The following LAMA3 variants were observed in gnomAD, a reference collection of about 807,000 sequenced individuals.
LAMA3 encodes the protein laminin subunit alpha-3.
Under a neutral mutation model 402.0 loss-of-function variants are expected in LAMA3, and 281 were observed. The observed-to-expected ratio is 0.70, with a 90% confidence interval of 0.63 to 0.77. The LOEUF (loss-of-function observed/expected upper bound fraction) is 0.77, where lower values mean the gene tolerates loss of function less well. Ranked by LOEUF, LAMA3 falls within the 30% of genes least tolerant of loss-of-function variation. The pLI, the probability that LAMA3 is intolerant of heterozygous loss-of-function variation, is 0.00. For missense variants in LAMA3, 3,840 were observed against 4,215.5 expected, an observed-to-expected ratio of 0.91 and a Z score of 2.47; for synonymous variants, 1,431 against 1,558.4, an observed-to-expected ratio of 0.92 and a Z score of 1.93.
chr18:23,714,024 C>T lies in LAMA3; in HGVS notation c.399C>T (p.Ser133=), dbSNP rs2061046779. ...SERWWQSPPL[S]SGTQYNRVNL... ...GTTGGTGGCAAAGCCCTCCCCTGTC[C>T]TCAGGCACACAGTACAACAGAGTCA... Residue 133 remains serine, a synonymous_variant, in exon 2 of 75, where the codon TCC becomes TCT. Coordinates refer to ENST00000313654, the MANE Select transcript of LAMA3 (RefSeq NM_198129.4). The T allele has an allele frequency of 6.2e-7, 1 of 1,613,860 alleles. No individual in the cohort carries two copies.
At position 23,747,934 on chromosome 18, in the gene LAMA3, T is replaced by C. The variant is rs748308342; in HGVS notation, c.448-9T>C. On this transcript the variant is annotated splice_polypyrimidine_tract_variant and intron_variant, in intron 2 of 74. Coordinates refer to ENST00000313654, the MANE Select transcript of LAMA3 (RefSeq NM_198129.4). Reference sequence around the variant, plus strand: ...GACATTAATAACTGTATCTCTTTTGTTTTATCAGCTCTTCCATGTGGCCTA... The same window carrying C: ...GACATTAATAACTGTATCTCTTTTGCTTTATCAGCTCTTCCATGTGGCCTA... 2 of 1,447,828 alleles carry C rather than the reference T, an allele frequency of 1.4e-6. No individual in the cohort carries two copies. The highest frequency in any genetic ancestry group is 1.1e-5 in the South Asian group (1 of 87,680). 89.7% of individuals were successfully genotyped at this position (1,447,828 alleles called of 1,614,324 possible).
intron 4 of LAMA3, among the ~76,000 whole-genome samples, chr18:23,750,443 T>G (rs866197375): frequency 2.7e-4 from 37 of 136,870 alleles, no homozygotes; most frequent in African/African-American, 9.6e-4. Context: ...TTTTTTTTTT[T>G]TTTTTTTTTT....
At chr18:23,745,936 G>A (rs1260093050) in intron 2 of LAMA3, among the ~76,000 whole-genome samples, 1 of 152,202 alleles carries the variant, frequency 6.6e-6, no homozygotes, top group East Asian at 1.9e-4. Context: ...TGGTCTGAGA[G>A]AGATGTGCAA....
chr18:23,714,153 TAA>T (rs34200895), intron 2 of LAMA3, 81 bp downstream of exon 2: 51 of 1,181,918 alleles, frequency 4.3e-5, no homozygotes, highest in Admixed American at 6.7e-5. Context: ...ATAATTATTG[TAA>T]AAAAAAAACA....
intron 13 of LAMA3, among the ~76,000 whole-genome samples, chr18:23,811,637 G>A (rs778454753): frequency 5.9e-5 from 9 of 152,162 alleles, no homozygotes; most frequent in Non-Finnish European, 1.2e-4. Flanking sequence ...TTGTGTCCTG[G>A]AGAGGAACCC....
rs1215460817 is a variant in LAMA3, at chr18:23,822,441, C to T, written c.2428+66C>T. ...AGAAATAAATAGTGAAACACTTTCT[C>T]TGATTTTCACAAAGTTGATCACCCT... On this transcript the variant is annotated intron_variant, in intron 20 of 74. Transcript: ENST00000313654. The T allele has an allele frequency of 2.0e-6, 3 of 1,525,602 alleles. No homozygotes were observed. In the African/African-American group the frequency reaches 4.1e-5, roughly 21 times the overall value. 94.5% of individuals were successfully genotyped at this position (1,525,602 alleles called of 1,614,324 possible).
chr18:23,876,230 A>G, intron 38 of LAMA3, 64 bp from the exon 39 acceptor site: 1 of 1,068,910 alleles, frequency 9.4e-7, no homozygotes, highest in East Asian at 2.4e-5. Flanking sequence ...GAGAGGTGTC[A>G]CATGCTTTGG....
At chr18:23,927,177 T>G (rs181046202) in intron 62 of LAMA3, among the ~76,000 whole-genome samples, 23 of 152,246 alleles carry the variant, frequency 1.5e-4, no homozygotes, top group Admixed American at 7.8e-4. Flanking sequence ...TTTGGTTTTG[T>G]TTTTGTTTTT....
intron 11 of LAMA3, among the ~76,000 whole-genome samples, chr18:23,777,983 A>C (rs558829112): frequency 6.6e-6 from 1 of 152,334 alleles, no homozygotes; most frequent in South Asian, 2.1e-4. Flanking sequence ...AGGAAGGGAG[A>C]GAGTCAGGGA....
chr18:23,698,968 G>T (rs2060738624), intron 1 of LAMA3, among the ~76,000 whole-genome samples: 1 of 152,084 alleles, frequency 6.6e-6, no homozygotes, highest in Non-Finnish European at 1.5e-5. Flanking sequence ...ATGATGGCCA[G>T]GGTGCGGTGG....
chr18:23,879,362 G>A lies in LAMA3; in HGVS notation c.5113-2574G>A, dbSNP rs1406891878. ...TCTGCACGCTGTGTCCCCTGTGCCT[G>A]GAATGCCCTTCCCTCACTTCTGCGC... On this transcript the variant is annotated intron_variant, in intron 39 of 74. Transcript: ENST00000313654. The surrounding 1 kb of genome is among the most constrained non-coding windows in gnomAD (Gnocchi z 4.2). 6.6e-6 allele frequency among the ~76,000 whole-genome samples: 1 copy of A among 152,184 alleles called. No individual in the cohort carries two copies. Among genetic ancestry groups the A allele is most frequent in the African/African-American group, 2.4e-5 (1 of 41,446 alleles).
chr18:23,838,800 C>T lies in LAMA3; in HGVS notation c.3113C>T (p.Pro1038Leu), dbSNP rs967236238. The T allele has an allele frequency of 2.5e-6, 4 of 1,607,318 alleles. No individual in the cohort carries two copies. Among genetic ancestry groups the T allele is most frequent in the Non-Finnish European group, 3.4e-6 (4 of 1,173,924 alleles). The change falls in exon 26 of 75, where the codon CCT becomes CTT. Residue 1038 changes from proline (P) to leucine (L), a missense_variant. By Grantham distance (98) the Pro-to-Leu change is moderately conservative. Coordinates refer to ENST00000313654, the MANE Select transcript of LAMA3 (RefSeq NM_198129.4). ...CACTAGCATCAAGTTTGTATCATAC[C>T]TATTGAAGAATTCTCAGCTGAGTAT... ...RFLLHQVCII[P>L]IEEFSAEYVR...
chr18:23,901,361 A>G (rs1191431184), intron 48 of LAMA3, 38 bp downstream of exon 48: 1 of 1,543,678 alleles, frequency 6.5e-7, no homozygotes, highest in Non-Finnish European at 9.0e-7. Flanking sequence ...TTTCGTTAAT[A>G]AGGATGAGAG....
At chr18:23,901,914 G>A (rs539816933) in intron 48 of LAMA3, among the ~76,000 whole-genome samples, 144 of 152,292 alleles carry the variant, frequency 9.5e-4, no homozygotes, top group African/African-American at 3.3e-3. Flanking sequence ...GGCTGGTCTC[G>A]AACTCCTGAC....
At chr18:23,710,995 C>G (rs1297147729) in intron 1 of LAMA3, among the ~76,000 whole-genome samples, 1 of 152,110 alleles carries the variant, frequency 6.6e-6, no homozygotes, top group Non-Finnish European at 1.5e-5. Flanking sequence ...AAAAATTTAT[C>G]ACCTAAACTT....
At chr18:23,732,007 G>A (rs1171261727) in intron 2 of LAMA3, among the ~76,000 whole-genome samples, 1 of 152,220 alleles carries the variant, frequency 6.6e-6, no homozygotes. Context: ...CTTTCCTTAG[G>A]AGAAAGGGCA....
rs2082064638 is a variant in LAMA3, at chr18:23,928,243, A to G, written c.8295+3A>G. 4 of 1,577,356 alleles carry G rather than the reference A, an allele frequency of 2.5e-6. No homozygotes were observed. The highest frequency in any genetic ancestry group is 2.6e-6 in the Non-Finnish European group (3 of 1,146,486). On this transcript the variant is annotated splice_donor_region_variant and intron_variant, in intron 63 of 74. Transcript: ENST00000313654. ...AAAAGTGCTCGGAAGACTGGAAGGTAAGTGAAAGTTCAGAACCTCGTGAAG... is the reference window on the plus strand; with the variant it reads ...AAAAGTGCTCGGAAGACTGGAAGGTGAGTGAAAGTTCAGAACCTCGTGAAG...
intron 70 of LAMA3, among the ~76,000 whole-genome samples, chr18:23,947,300 C>T (rs1386165116): frequency 6.6e-6 from 1 of 152,136 alleles, no homozygotes; most frequent in African/African-American, 2.4e-5. Flanking sequence ...TGCCTTTCCC[C>T]CCACCCCACA....
At chr18:23,739,236 C>T (rs1453923703) in intron 2 of LAMA3, among the ~76,000 whole-genome samples, 4 of 152,178 alleles carry the variant, frequency 2.6e-5, no homozygotes, top group East Asian at 1.9e-4. Flanking sequence ...CCCCAGACCA[C>T]GGTACGACAA....
Sources: allele counts gnomAD v4.1 joint callset (sites outside exome capture counted in the v4.1 genomes callset), GRCh38; gene constraint gnomAD v4.1.1; non-coding constraint Gnocchi (gnomAD v3.1); transcripts MANE v1.5; gene names NCBI Gene and HGNC (gene_info 2026-07-23, HGNC 2026-07-21).